Variants in LRBA observed in about 807,000 individuals in gnomAD.
The protein encoded by LRBA is lipopolysaccharide-responsive and beige-like anchor protein.
Under a neutral mutation model 330.0 loss-of-function variants are expected in LRBA, and 176 were observed. The ratio of observed to expected loss-of-function variants is 0.53; its 90% CI spans 0.47 to 0.60. The LOEUF (loss-of-function observed/expected upper bound fraction) is 0.60, where lower values mean the gene tolerates loss of function less well. Among genes scored for constraint, LRBA ranks in the 20% least tolerant of loss-of-function variants. The pLI is 0.00. For missense variants in LRBA, 3,259 were observed against 3,444.8 expected, an observed-to-expected ratio of 0.95 and a Z score of 1.35; for synonymous variants, 1,230 against 1,193.0, an observed-to-expected ratio of 1.03 and a Z score of -0.64.
chr4:150,893,005 A>G, intron 17 of LRBA, 47 bp downstream of exon 17: 1 of 1,181,432 alleles, frequency 8.5e-7, no homozygotes, highest in Non-Finnish European at 1.2e-6. Context: ...AAGCTTTCAA[A>G]TATTTCCAAA....
At chr4:150,776,477 T>C (rs1393221078) in intron 34 of LRBA, among the ~76,000 whole-genome samples, 1 of 152,142 alleles carries the variant, frequency 6.6e-6, no homozygotes, top group Non-Finnish European at 1.5e-5. Flanking sequence ...ATTATACTAT[T>C]ATTTGGGTGC....
At chr4:150,474,532 G>A (rs1050404824) in intron 42 of LRBA, among the ~76,000 whole-genome samples, 2 of 151,988 alleles carry the variant, frequency 1.3e-5, no homozygotes, top group African/African-American at 2.4e-5. Flanking sequence ...CTCCAAAAAC[G>A]TCTATCAGGA....
At chr4:150,621,253 T>G (rs1776262714) in intron 37 of LRBA, among the ~76,000 whole-genome samples, 1 of 152,184 alleles carries the variant, frequency 6.6e-6, no homozygotes, top group South Asian at 2.1e-4. Context: ...AAATGCTCTT[T>G]TTATACATGA....
chr4:150,542,403 A>G (rs1166233589), intron 40 of LRBA, among the ~76,000 whole-genome samples: 4 of 152,250 alleles, frequency 2.6e-5, no homozygotes, highest in Non-Finnish European at 5.9e-5. Context: ...ATCACACATT[A>G]AAAGTGTCAT....
At chr4:150,950,563 G>A (rs1270143098) in intron 2 of LRBA, among the ~76,000 whole-genome samples, 1 of 101,112 alleles carries the variant, frequency 9.9e-6, no homozygotes, top group Non-Finnish European at 2.6e-5. Context: ...TATATATTAG[G>A]TTTTCTCCAC....
In LRBA at chr4:150,657,188, AG is replaced by A. The variant is rs1246010821; in HGVS notation, c.5921+26362del. On this transcript the variant is annotated intron_variant, in intron 37 of 56. Transcript: ENST00000651943. ...TCCATAAGACAGACTTCCCTTACGA[AG>A]GAGACATGTTTTTGTTTTTCTAGTT... is the stretch of plus-strand genomic sequence containing the variant. Among the ~76,000 whole-genome samples the A allele has an allele frequency of 2.0e-5, 3 of 152,346 alleles. No homozygotes were observed. In the South Asian group the frequency reaches 6.2e-4, roughly 32 times the overall value.
intron 36 of LRBA, among the ~76,000 whole-genome samples, chr4:150,719,062 AATAGC>A (rs1284657994): frequency 6.6e-6 from 1 of 152,106 alleles, no homozygotes; most frequent in Non-Finnish European, 1.5e-5. Context: ...TAGCTACTGA[AATAGC>A]ATAAGGATTC....
chr4:150,434,663 G>C (rs1750865361), intron 46 of LRBA, among the ~76,000 whole-genome samples: 1 of 151,950 alleles, frequency 6.6e-6, no homozygotes, highest in Non-Finnish European at 1.5e-5. Flanking sequence ...ACCAGCCTGG[G>C]CAACATAGGG....
Position 150,650,434 on chromosome 4 carries a change from G to A in LRBA, c.5921+33117C>T, listed in dbSNP as rs1779600005. ...AGCAGACATTAAAACTTGTTATTTG[G>A]AATGAATATTTGTTTCCAAATGAAC... On this transcript the variant is annotated intron_variant, in intron 37 of 56. Coordinates refer to ENST00000651943, the MANE Select transcript of LRBA (RefSeq NM_001364905.1). 2.0e-5 allele frequency among the ~76,000 whole-genome samples: 3 copies of A among 151,950 alleles called. No individual in the cohort carries two copies. The South Asian group carries it at 6.2e-4, about 32-fold the overall frequency.
intron 34 of LRBA, among the ~76,000 whole-genome samples, chr4:150,786,709 T>A (rs1296916040): frequency 6.6e-6 from 1 of 152,126 alleles, no homozygotes. Context: ...ACCAAAAAAA[T>A]ATGTTTAAAA....
At position 150,387,421 on chromosome 4, in the gene LRBA, C is replaced by T. The variant is rs75343805; in HGVS notation, c.7194+28017G>A. On this transcript the variant is annotated intron_variant, in intron 47 of 56. Coordinates refer to ENST00000651943, the MANE Select transcript of LRBA (RefSeq NM_001364905.1). ...ATCCGAAAATAAGATTTACCAAGCA[C>T]AACATTTTTCAAATGACTAGGCTTG... is the stretch of plus-strand genomic sequence containing the variant. 2.1e-3 allele frequency among the ~76,000 whole-genome samples: 312 copies of T among 152,164 alleles called. 1 individual carries two copies. Among genetic ancestry groups the T allele is most frequent in the African/African-American group, 7.2e-3 (297 of 41,534 alleles).
At chr4:150,909,947 T>C (rs1278964942) in intron 9 of LRBA, among the ~76,000 whole-genome samples, 1 of 152,204 alleles carries the variant, frequency 6.6e-6, no homozygotes. Flanking sequence ...CATTGGCTAT[T>C]TTTATATCTT....
At position 150,343,129 on chromosome 4, in the gene LRBA, C is replaced by T. The variant is rs148686112; in HGVS notation, c.7362+6863G>A. Among the ~76,000 whole-genome samples the T allele has an allele frequency of 1.7e-4, 26 of 152,276 alleles. No homozygotes were observed. In the East Asian group the frequency reaches 4.5e-3, roughly 26 times the overall value. ...ACATGAAGCCTGTGACAAGACTTGA[C>T]TTGGAGGCTGTCCCAGGCTGGGCAC... On this transcript the variant is annotated intron_variant, in intron 48 of 56. Coordinates refer to ENST00000651943, the MANE Select transcript of LRBA (RefSeq NM_001364905.1).
In LRBA at chr4:150,806,402, A is replaced by G. The variant is rs2126716395; in HGVS notation, c.5387T>C (p.Ile1796Thr). 1 of 1,589,802 alleles carries G rather than the reference A, an allele frequency of 6.3e-7. No homozygotes were observed. Among genetic ancestry groups the G allele is most frequent in the South Asian group, 1.2e-5 (1 of 85,438 alleles). Residue 1796 changes from isoleucine (I) to threonine (T), a missense_variant and splice_region_variant, in exon 33 of 57, where the codon ATT becomes ACT. Ile to Thr is a moderately conservative substitution (Grantham distance 89). Transcript: ENST00000651943. Reference sequence around the variant, plus strand: ...CAAAGCGTGTTCAAGCCTCTCTGTAATACTAAGGAAAAGACATTAAGTTAC... The same window carrying G: ...CAAAGCGTGTTCAAGCCTCTCTGTAGTACTAAGGAAAAGACATTAAGTTAC... ...VSQDPVSNMS[I>T]TERLEHALEK...
intron 40 of LRBA, among the ~76,000 whole-genome samples, chr4:150,524,655 C>A (rs1763273372): frequency 6.6e-6 from 1 of 152,088 alleles, no homozygotes; most frequent in South Asian, 2.1e-4. Context: ...TAATGAAATA[C>A]AGTAGAAAAT....
At chr4:150,878,490 A>C (rs1490169303) in intron 17 of LRBA, among the ~76,000 whole-genome samples, 1 of 152,116 alleles carries the variant, frequency 6.6e-6, no homozygotes, top group African/African-American at 2.4e-5. Context: ...AAAAATAACA[A>C]AAATCAGAGC....
At chr4:150,798,670 ATTCTTGAT>A (rs1259123766) in intron 33 of LRBA, among the ~76,000 whole-genome samples, 4 of 152,182 alleles carry the variant, frequency 2.6e-5, no homozygotes, top group African/African-American at 9.7e-5. Context: ...TCTGTTATAT[ATTCTTGAT>A]TTCTTATAAA....
At chr4:150,902,457 TA>T (rs1442648687) in intron 13 of LRBA, among the ~76,000 whole-genome samples, 1 of 152,020 alleles carries the variant, frequency 6.6e-6, no homozygotes, top group African/African-American at 2.4e-5. Flanking sequence ...TTCCTAGAAC[TA>T]AATCAAATGG....
chr4:150,585,216 C>G (rs762147815), intron 40 of LRBA, among the ~76,000 whole-genome samples: 6 of 152,094 alleles, frequency 3.9e-5, no homozygotes, highest in Admixed American at 6.5e-5. Context: ...ACAAAAAATA[C>G]AATGGTTATA....
Sources: gnomAD v4.1 joint callset for allele counts (sites outside exome capture counted in the v4.1 genomes callset) on GRCh38, gnomAD v4.1.1 for gene constraint, MANE v1.5 for transcripts, NCBI Gene and HGNC (gene_info 2026-07-23, HGNC 2026-07-21) for gene names.